The following SLC26A5 variants were observed in gnomAD, a reference collection of about 807,000 sequenced individuals.
The protein encoded by SLC26A5 is solute carrier family 26 member 5.
In SLC26A5, 51 loss-of-function variants were observed where a neutral mutation model predicts 81.0. That is an observed-to-expected ratio of 0.63 (90% confidence interval 0.50 to 0.80). SLC26A5 has a LOEUF of 0.80. Among genes scored for constraint, SLC26A5 ranks in the 30% least tolerant of loss-of-function variants. The probability of loss-of-function intolerance (pLI) is 0.00; values close to 1 mark genes in which losing one functional copy is unlikely to be tolerated. For missense variants in SLC26A5, 771 were observed against 905.8 expected (o/e 0.85, Z 1.91); for synonymous variants, 325 against 332.8 (o/e 0.98, Z 0.25).
intron 4 of SLC26A5, among the ~76,000 whole-genome samples, chr7:103,415,413 G>C (rs1360980932): frequency 1.3e-5 from 2 of 152,042 alleles, no homozygotes; most frequent in Admixed American, 6.6e-5. Flanking sequence ...ATTCTCAAAG[G>C]AGAGCGCTCC....
At chr7:103,445,355 C>A (rs1361361099) in intron 1 of SLC26A5, 1 of 152,158 alleles carries the variant, frequency 6.6e-6, no homozygotes, top group African/African-American at 2.4e-5. Context: ...CAATTGGTTC[C>A]CGATCAACTA....
chr7:103,398,090 G>C, intron 8 of SLC26A5, 76 bp from the exon 9 acceptor site: 1 of 1,081,882 alleles, frequency 9.2e-7, no homozygotes, highest in Non-Finnish European at 1.4e-6. Context: ...CAAATAATAT[G>C]TTAGTCAAGT....
Position 103,410,552 on chromosome 7 carries a change from A to C in SLC26A5, c.571-3T>G. 1 of 1,490,628 alleles carries C rather than the reference A, an allele frequency of 6.7e-7. No individual in the cohort carries two copies. The highest frequency in any genetic ancestry group is 9.2e-7 in the Non-Finnish European group (1 of 1,090,832). The allele number at this position is 1,490,628 out of a possible 1,614,324, so 92.3% of individuals were successfully genotyped here. A position where few individuals can be genotyped will look rare whatever the true frequency, so the allele number is the denominator to read the frequency against. On this transcript the variant is annotated splice_polypyrimidine_tract_variant and splice_region_variant and intron_variant, in intron 6 of 19. Transcript: ENST00000306312. ...AACCTACAGACACCTAGGCAAAACT[A>C]TTTTTTTTTAATGACAAAGAAACAA... is the stretch of plus-strand genomic sequence containing the variant.
At chr7:103,439,814 C>T (rs888671942) in intron 2 of SLC26A5, among the ~76,000 whole-genome samples, 4 of 152,184 alleles carry the variant, frequency 2.6e-5, no homozygotes, top group Admixed American at 2.6e-4. Flanking sequence ...GGATGATAGA[C>T]GTGAGCCACC....
intron 17 of SLC26A5, among the ~76,000 whole-genome samples, chr7:103,378,029 T>C (rs1821487719): frequency 6.6e-6 from 1 of 152,240 alleles, no homozygotes; most frequent in Non-Finnish European, 1.5e-5. Context: ...TCCTTTTTTT[T>C]CTTGTCCAAC....
intron 7 of SLC26A5, among the ~76,000 whole-genome samples, chr7:103,409,947 T>G (rs943916413): frequency 6.6e-6 from 1 of 152,174 alleles, no homozygotes; most frequent in Non-Finnish European, 1.5e-5. Flanking sequence ...GACCTCGTGA[T>G]CCGCCCATCT....
Position 103,361,957 on chromosome 7 carries a change from G to A in SLC26A5, c.2042-9031C>T, listed in dbSNP as rs755133556. ...CTAATCAAGCTTTTTGCTGTGTTAG[G>A]TGTACAAAGATAATCAATGCTGATT... On this transcript the variant is annotated intron_variant, in intron 19 of 19. Transcript: ENST00000339444. 6 of 1,608,272 alleles carry A rather than the reference G, an allele frequency of 3.7e-6. No individual in the cohort carries two copies. In the South Asian group the frequency reaches 6.7e-5, roughly 18 times the overall value.
At chr7:103,427,823 A>C (rs1825805280) in intron 2 of SLC26A5, among the ~76,000 whole-genome samples, 1 of 149,446 alleles carries the variant, frequency 6.7e-6, no homozygotes, top group Non-Finnish European at 1.5e-5. Context: ...GGAGATTAAA[A>C]CCACAATTTC....
At position 103,364,981 on chromosome 7, in the gene SLC26A5, A is replaced by ATATATATTTATT. The variant is rs950613120; in HGVS notation, c.2041+11826_2041+11827insAATAAATATATA. 2.8e-3 allele frequency among the ~76,000 whole-genome samples: 396 copies of ATATATATTTATT among 140,786 alleles called. 6 individuals are homozygous for ATATATATTTATT. The highest frequency in any genetic ancestry group is 9.9e-3 in the African/African-American group (376 of 38,170). The allele number at this position is 140,786 out of a possible 152,430, so 92.4% of individuals were successfully genotyped here. A position where few individuals can be genotyped will look rare whatever the true frequency, so the allele number is the denominator to read the frequency against. On this transcript the variant is annotated intron_variant, in intron 19 of 19. Coordinates refer to the SLC26A5 transcript ENST00000339444. Reference sequence around the variant, plus strand: ...TACATATATATATATATATATATATATATTTAGAGAATAAGTCTAGGGCTA... The same window carrying ATATATATTTATT: ...TACATATATATATATATATATATATATATATATTTATTTATTTAGAGAATAAGTCTAGGGCTA...
intron 9 of SLC26A5, among the ~76,000 whole-genome samples, chr7:103,395,652 G>A (rs1481936075): frequency 1.3e-5 from 2 of 150,212 alleles, no homozygotes; most frequent in South Asian, 2.1e-4. Flanking sequence ...CCTTCCAATA[G>A]TGGGATTACA....
chr7:103,380,348 C>T, intron 15 of SLC26A5, 132 bp downstream of exon 15: 1 of 703,354 alleles, frequency 1.4e-6, no homozygotes, highest in African/African-American at 1.8e-5. Flanking sequence ...TATAGTAGAT[C>T]AAAGCTCAGA....
chr7:103,413,747 T>C (rs973057050), intron 4 of SLC26A5, among the ~76,000 whole-genome samples: 1 of 152,202 alleles, frequency 6.6e-6, no homozygotes, highest in Non-Finnish European at 1.5e-5. Context: ...TAGGGGACTC[T>C]TTCCCTCACT....
chr7:103,402,566 A>AT (rs1010592978), intron 8 of SLC26A5, among the ~76,000 whole-genome samples: 6 of 151,400 alleles, frequency 4.0e-5, no homozygotes, highest in East Asian at 3.9e-4. Flanking sequence ...TGTCTGGCTA[A>AT]TTTTTTTTAT....
chr7:103,370,678 AT>A (rs1486748487), downstream of SLC26A5, among the ~76,000 whole-genome samples: 3 of 152,116 alleles, frequency 2.0e-5, no homozygotes, highest in African/African-American at 7.2e-5. Context: ...GAGATTGGCA[AT>A]TGGGATCCCA....
At chr7:103,370,765 A>T (rs935167637), downstream of SLC26A5, among the ~76,000 whole-genome samples, 1 of 152,254 alleles carries the variant, frequency 6.6e-6, no homozygotes, top group African/African-American at 2.4e-5. Context: ...TGGTTCACAA[A>T]TGTTTTCAAA....
At chr7:103,389,190 C>T (rs1270361681) in intron 13 of SLC26A5, 76 bp from the exon 14 acceptor site, 2 of 1,217,222 alleles carry the variant, frequency 1.6e-6, no homozygotes, top group East Asian at 4.7e-5. Flanking sequence ...AGTGTGCACA[C>T]ACACACATGC....
chr7:103,432,565 T>C (rs1826158419), intron 2 of SLC26A5, among the ~76,000 whole-genome samples: 1 of 152,228 alleles, frequency 6.6e-6, no homozygotes, highest in Non-Finnish European at 1.5e-5. Context: ...AATCAACTTG[T>C]TCTAATTTCA....
intron 14 of SLC26A5, among the ~76,000 whole-genome samples, chr7:103,388,050 T>TG (rs1822337470): frequency 6.6e-6 from 1 of 152,128 alleles, no homozygotes; most frequent in South Asian, 2.1e-4. Flanking sequence ...AAAGGTGTTT[T>TG]TTTGTTTGTT....
At chr7:103,376,767 C>G (rs776495013) in intron 19 of SLC26A5, 41 bp downstream of exon 19, 2 of 1,402,734 alleles carry the variant, frequency 1.4e-6, no homozygotes, top group Admixed American at 3.5e-5. Context: ...AGAAACAAAA[C>G]TAAAATATTA....
Sources: gnomAD v4.1 joint callset for allele counts (sites outside exome capture counted in the v4.1 genomes callset) on GRCh38, gnomAD v4.1.1 for gene constraint, MANE v1.5 for transcripts, NCBI Gene and HGNC (gene_info 2026-07-23, HGNC 2026-07-21) for gene names.